Variants in KDM4B observed in about 807,000 individuals in gnomAD.
KDM4B encodes lysine-specific demethylase 4B.
A neutral mutation model predicts 125.2 loss-of-function variants in KDM4B; 32 were observed. That is an observed-to-expected ratio of 0.26 (90% CI 0.19 to 0.34). The LOEUF is 0.34. Ranked by LOEUF, KDM4B falls within the 10% of genes least tolerant of loss-of-function variation. The pLI is 1.00. For synonymous variants in KDM4B, 721 were observed against 677.9 expected (o/e 1.06, Z -0.99); for missense variants, 1,190 against 1,577.7 (o/e 0.75, Z 4.16).
chr19:4,977,489 G>T (rs183008156), intron 1 of KDM4B, among the ~76,000 whole-genome samples: 2 of 152,146 alleles, frequency 1.3e-5, no homozygotes, highest in African/African-American at 2.4e-5. Context: ...TAGACCTCCC[G>T]TCAGCATTCA....
intron 1 of KDM4B, among the ~76,000 whole-genome samples, chr19:4,982,381 G>A (rs1342388286): frequency 3.3e-5 from 5 of 149,956 alleles, no homozygotes; most frequent in Non-Finnish European, 1.5e-5. Context: ...GAACCTGAGA[G>A]GCGGAGGTTG....
intron 6 of KDM4B, 41 bp downstream of exon 6, chr19:5,047,710 G>T: frequency 1.3e-6 from 2 of 1,592,658 alleles, no homozygotes; most frequent in Non-Finnish European, 1.7e-6. Flanking sequence ...CGGACCGAGA[G>T]CCCCTCGGGA....
chr19:5,055,800 G>A (rs1485272329), intron 6 of KDM4B, among the ~76,000 whole-genome samples: 2 of 152,116 alleles, frequency 1.3e-5, no homozygotes, highest in Non-Finnish European at 2.9e-5. Flanking sequence ...TCTTTAAATA[G>A]GTCTTTATTA....
At chr19:5,130,901 C>T (rs757482135) in intron 11 of KDM4B, among the ~76,000 whole-genome samples, 175 bp from the exon 12 acceptor site, 4 of 152,230 alleles carry the variant, frequency 2.6e-5, no homozygotes, top group Non-Finnish European at 5.9e-5. Flanking sequence ...GGTGCCCCTG[C>T]GGTGATCTGA....
rs189439618 is a variant in KDM4B at position 5,018,398 on chromosome 19, G to A, written c.-26+2059G>A. On this transcript the variant is annotated intron_variant, in intron 2 of 22. Transcript: ENST00000159111. ...GTGCTGAGTGCAGCAACCAGGAGGT[G>A]CTAGAAAGTCCTCGGGGAGAGCACA... Among the ~76,000 whole-genome samples the A allele has an allele frequency of 3.8e-3, 576 of 152,290 alleles. 7 individuals carry two copies. Among genetic ancestry groups the A allele is most frequent in the Middle Eastern group, 6.8e-3 (2 of 294 alleles).
At chr19:5,011,443 G>C (rs2145489357) in intron 1 of KDM4B, among the ~76,000 whole-genome samples, 1 of 152,324 alleles carries the variant, frequency 6.6e-6, no homozygotes, top group South Asian at 2.1e-4. Context: ...CCCATCTGAG[G>C]CTTTGGGTGT....
chr19:5,083,599 G>A (rs532514282), intron 9 of KDM4B, among the ~76,000 whole-genome samples: 10 of 152,286 alleles, frequency 6.6e-5, no homozygotes, highest in African/African-American at 2.2e-4. Context: ...GGCCAGGCTC[G>A]GCCACGTGGC....
chr19:5,130,478 T>A (rs1316280374), intron 11 of KDM4B, among the ~76,000 whole-genome samples: 2 of 152,062 alleles, frequency 1.3e-5, no homozygotes, highest in Non-Finnish European at 2.9e-5. Context: ...CGCGGAAGGG[T>A]GTCGGGCCCC....
At position 4,975,853 on chromosome 19, in the gene KDM4B, A is replaced by G. The variant is rs1207005988; in HGVS notation, c.-109+6623A>G. Reference sequence around the variant, plus strand: ...GGGCATCCGCCTGTCTTGGCCTCCCAAAGTGCTGGGATTACAGGCGTGACC... The same window carrying G: ...GGGCATCCGCCTGTCTTGGCCTCCCGAAGTGCTGGGATTACAGGCGTGACC... On this transcript the variant is annotated intron_variant, in intron 1 of 22. Coordinates refer to ENST00000159111, the MANE Select transcript of KDM4B (RefSeq NM_015015.3). Among the ~76,000 whole-genome samples the G allele has an allele frequency of 3.3e-5, 5 of 151,534 alleles. No individual in the cohort carries two copies. The East Asian group carries it at 9.9e-4, about 30-fold the overall frequency.
chr19:5,117,024 C>G (rs1276748529), intron 10 of KDM4B, among the ~76,000 whole-genome samples: 5 of 152,140 alleles, frequency 3.3e-5, no homozygotes, highest in Non-Finnish European at 7.4e-5. Flanking sequence ...GATGGCTGCC[C>G]CTCTGCCGTG....
chr19:5,053,301 C>G (rs1483124947), intron 6 of KDM4B, among the ~76,000 whole-genome samples: 2 of 152,204 alleles, frequency 1.3e-5, no homozygotes, highest in East Asian at 3.9e-4. Context: ...CTGAGAAGAC[C>G]CACCAGACTG....
chr19:4,976,193 G>C (rs2034438580), intron 1 of KDM4B, among the ~76,000 whole-genome samples: 1 of 149,176 alleles, frequency 6.7e-6, no homozygotes, highest in Non-Finnish European at 1.5e-5. Flanking sequence ...GGGTTGCAGT[G>C]AGCTGAGATC....
chr19:5,047,568 C>G lies in KDM4B; in HGVS notation c.525C>G (p.Pro175=), dbSNP rs1278728460. The G allele has an allele frequency of 4.3e-6, 7 of 1,613,880 alleles. No homozygotes were observed. The highest frequency in any genetic ancestry group is 1.3e-5 in the African/African-American group (1 of 74,932). ...CGTIIEGVNT[P]YLYFGMWKTT... is the part of the protein sequence containing the mutation. ...CCATCATCGAGGGCGTGAACACGCCCTACCTGTACTTCGGCATGTGGAAGA... is the reference window on the plus strand; with the variant it reads ...CCATCATCGAGGGCGTGAACACGCCGTACCTGTACTTCGGCATGTGGAAGA... The change falls in exon 6 of 23, where the codon CCC becomes CCG. Residue 175 remains proline (P), a synonymous_variant. Coordinates refer to ENST00000159111, the MANE Select transcript of KDM4B (RefSeq NM_015015.3).
chr19:5,046,283 G>A (rs1412982118), intron 5 of KDM4B, among the ~76,000 whole-genome samples: 1 of 152,246 alleles, frequency 6.6e-6, no homozygotes, highest in Non-Finnish European at 1.5e-5. Context: ...TTTACAGCGG[G>A]GGAAACAGCC....
chr19:4,998,010 A>G (rs2035256753), intron 1 of KDM4B, among the ~76,000 whole-genome samples: 1 of 152,280 alleles, frequency 6.6e-6, no homozygotes, highest in Admixed American at 6.5e-5. Flanking sequence ...ATTATGGAAC[A>G]TCAGATACCT....
At chr19:4,998,268 G>A (rs1406555324) in intron 1 of KDM4B, among the ~76,000 whole-genome samples, 1 of 152,226 alleles carries the variant, frequency 6.6e-6, no homozygotes, top group African/African-American at 2.4e-5. Flanking sequence ...AGAAGGAAGT[G>A]CCAGGTGACC....
chr19:5,016,442 G>A (rs986187283), intron 2 of KDM4B, 103 bp downstream of exon 2: 1 of 152,238 alleles, frequency 6.6e-6, no homozygotes, highest in Admixed American at 6.5e-5. Flanking sequence ...GTGGTGGCCT[G>A]ACCGGCTCTG....
chr19:5,066,377 T>C (rs1237435660), intron 6 of KDM4B, among the ~76,000 whole-genome samples: 1 of 147,668 alleles, frequency 6.8e-6, no homozygotes, highest in Non-Finnish European at 1.5e-5. Context: ...TCTCATGTCC[T>C]TGTTGGCGCC....
chr19:4,985,515 G>A (rs4807005), intron 1 of KDM4B, among the ~76,000 whole-genome samples: 42,182 of 152,230 alleles, frequency 0.28, 6,788 homozygotes, highest in East Asian at 0.68. Context: ...CCCAAGTGGA[G>A]ACCTGTGATG....
Sources: gnomAD v4.1 joint callset for allele counts (sites outside exome capture counted in the v4.1 genomes callset) on GRCh38, gnomAD v4.1.1 for gene constraint, MANE v1.5 for transcripts, NCBI Gene and HGNC (gene_info 2026-07-23, HGNC 2026-07-21) for gene names.